The following NELL1 variants were observed in gnomAD, a reference collection of about 807,000 sequenced individuals.
NELL1 encodes the protein protein kinase C-binding protein NELL1.
In NELL1, 76 loss-of-function variants were observed where a neutral mutation model predicts 107.4. That is an observed-to-expected ratio of 0.71 (90% CI 0.59 to 0.86). The LOEUF is 0.86. Among genes scored for constraint, NELL1 ranks in the 40% least tolerant of loss-of-function variants. NELL1 has a pLI of 0.00. For missense variants in NELL1, 1,024 were observed against 1,005.5 expected, an observed-to-expected ratio of 1.02 and a Z score of -0.25; for synonymous variants, 353 against 341.2, an observed-to-expected ratio of 1.03 and a Z score of -0.38.
intron 15 of NELL1, among the ~76,000 whole-genome samples, chr11:21,429,168 A>AAATGGTTT (rs1171482732): frequency 1.3e-5 from 2 of 152,218 alleles, no homozygotes; most frequent in African/African-American, 4.8e-5. Context: ...TTCATGTAAA[A>AAATGGTTT]AATGGTTTAA....
At chr11:20,691,925 T>C (rs1400665549) in intron 2 of NELL1, among the ~76,000 whole-genome samples, 5 of 152,184 alleles carry the variant, frequency 3.3e-5, no homozygotes, top group Non-Finnish European at 7.3e-5. Context: ...GGACTCTTTT[T>C]GGTTGGTAAG....
chr11:21,334,101 T>G (rs951894976), intron 14 of NELL1, among the ~76,000 whole-genome samples: 10 of 152,102 alleles, frequency 6.6e-5, no homozygotes, highest in African/African-American at 2.4e-4. Flanking sequence ...TGTTTGGTAC[T>G]GAGGACATTG....
intron 12 of NELL1, among the ~76,000 whole-genome samples, chr11:21,085,883 G>A (rs7110500): frequency 0.04 from 6,124 of 152,258 alleles, 270 homozygotes; most frequent in South Asian, 0.12. Context: ...GGTATGACCT[G>A]ATTTATGTAT....
At chr11:21,269,674 C>T (rs1848702587) in intron 14 of NELL1, among the ~76,000 whole-genome samples, 1 of 152,156 alleles carries the variant, frequency 6.6e-6, no homozygotes, top group South Asian at 2.1e-4. Context: ...ACCTACCTTA[C>T]AAGAAATGTT....
Position 20,863,871 on chromosome 11 carries a change from G to C in NELL1, c.506+16118G>C, listed in dbSNP as rs993492470. On this transcript the variant is annotated intron_variant, in intron 4 of 19. Coordinates refer to ENST00000357134, the MANE Select transcript of NELL1 (RefSeq NM_006157.5). ...CTGCAATCCCGGCACCTCAGGAGGC[G>C]GAAGCTGGCGGATCACTCGCGGTTA... 7.9e-4 allele frequency among the ~76,000 whole-genome samples: 121 copies of C among 152,274 alleles called. No individual in the cohort carries two copies. The Middle Eastern group carries it at 0.014, about 17-fold the overall frequency.
chr11:20,931,004 C>A (rs1311677440), intron 9 of NELL1, among the ~76,000 whole-genome samples: 1 of 152,108 alleles, frequency 6.6e-6, no homozygotes, highest in Non-Finnish European at 1.5e-5. Context: ...AGGTTGAGAA[C>A]TTCTGGGCTG....
chr11:20,944,674 G>A (rs970159712), intron 10 of NELL1, among the ~76,000 whole-genome samples: 1 of 152,158 alleles, frequency 6.6e-6, no homozygotes, highest in African/African-American at 2.4e-5. Flanking sequence ...AGATAGGTTT[G>A]AAAATAAAGC....
intron 2 of NELL1, among the ~76,000 whole-genome samples, chr11:20,747,357 A>G (rs893036480): frequency 6.6e-6 from 1 of 152,206 alleles, no homozygotes; most frequent in African/African-American, 2.4e-5. Flanking sequence ...CAGCAAGATA[A>G]CTAGGTCATC....
chr11:21,547,855 A>T (rs1423687492), intron 16 of NELL1, among the ~76,000 whole-genome samples: 1 of 151,856 alleles, frequency 6.6e-6, no homozygotes, highest in Non-Finnish European at 1.5e-5. Context: ...TGAGGTCTGA[A>T]TTTTCTCATT....
intron 13 of NELL1, among the ~76,000 whole-genome samples, chr11:21,151,395 G>A (rs1299879733): frequency 6.6e-6 from 1 of 152,092 alleles, no homozygotes; most frequent in Non-Finnish European, 1.5e-5. Flanking sequence ...TTACAAATAG[G>A]TGTGTGCATG....
intron 16 of NELL1, among the ~76,000 whole-genome samples, chr11:21,552,005 G>A (rs1036881447): frequency 1.0e-4 from 15 of 146,486 alleles, no homozygotes; most frequent in African/African-American, 3.5e-4. Flanking sequence ...GATGAAATTG[G>A]AAATCATCAT....
intron 12 of NELL1, among the ~76,000 whole-genome samples, chr11:21,007,166 C>G (rs1463600224): frequency 6.6e-6 from 1 of 152,092 alleles, no homozygotes; most frequent in Admixed American, 6.6e-5. Flanking sequence ...CAAGAGAAAG[C>G]AGTCAACTGC....
chr11:21,278,404 A>C (rs1398933010), intron 14 of NELL1, among the ~76,000 whole-genome samples: 1 of 152,204 alleles, frequency 6.6e-6, no homozygotes, highest in Non-Finnish European at 1.5e-5. Flanking sequence ...AAAATCAATT[A>C]AAAAATCCCT....
At chr11:21,461,656 A>G (rs1853903446) in intron 15 of NELL1, among the ~76,000 whole-genome samples, 1 of 152,082 alleles carries the variant, frequency 6.6e-6, no homozygotes, top group Non-Finnish European at 1.5e-5. Context: ...GAAGGCCAGT[A>G]TTATCATCAA....
intron 15 of NELL1, among the ~76,000 whole-genome samples, chr11:21,423,419 T>A (rs367715737): frequency 6.6e-6 from 1 of 151,946 alleles, no homozygotes; most frequent in East Asian, 1.9e-4. Context: ...AAAGTTTCAA[T>A]ATAACATGAA....
At chr11:21,424,776 C>A in intron 15 of NELL1, among the ~76,000 whole-genome samples, 1 of 152,068 alleles carries the variant, frequency 6.6e-6, no homozygotes, top group East Asian at 1.9e-4. Flanking sequence ...AAACCTATAA[C>A]AAATGAGATA....
chr11:20,937,248 T>C (rs12286075), intron 9 of NELL1, among the ~76,000 whole-genome samples: 18,562 of 152,200 alleles, frequency 0.12, 1,516 homozygotes, highest in East Asian at 0.33. Context: ...AGGCATTCTC[T>C]CTAGTGCATT....
At chr11:21,548,918 C>T (rs1856508854) in intron 16 of NELL1, among the ~76,000 whole-genome samples, 1 of 149,992 alleles carries the variant, frequency 6.7e-6, no homozygotes, top group Non-Finnish European at 1.5e-5. Flanking sequence ...CTGCTGCATA[C>T]AAGATAACAC....
At chr11:21,387,854 A>T (rs951431053) in intron 15 of NELL1, among the ~76,000 whole-genome samples, 41 of 151,864 alleles carry the variant, frequency 2.7e-4, no homozygotes, top group African/African-American at 9.9e-4. Context: ...GTAATATTTT[A>T]TATTAGTGCA....
Sources: gnomAD v4.1 joint callset for allele counts (sites outside exome capture counted in the v4.1 genomes callset) on GRCh38, gnomAD v4.1.1 for gene constraint, MANE v1.5 for transcripts, NCBI Gene and HGNC (gene_info 2026-07-23, HGNC 2026-07-21) for gene names.